The following RBFA variants were observed in gnomAD, a reference collection of about 807,000 sequenced individuals.
RBFA encodes the protein ribosome binding factor A.
In RBFA, 16 loss-of-function variants were observed where a neutral mutation model predicts 27.9. The ratio of observed to expected loss-of-function variants is 0.57; its 90% confidence interval spans 0.39 to 0.87. RBFA has a LOEUF of 0.87. Among genes scored for constraint, RBFA ranks in the 40% least tolerant of loss-of-function variants. The probability of loss-of-function intolerance (pLI) is 0.00; values close to 1 mark genes in which losing one functional copy is unlikely to be tolerated. For missense variants in RBFA, 456 were observed against 432.1 expected (o/e 1.06, Z -0.49); for synonymous variants, 181 against 181.0 (o/e 1.00, Z 0.00).
chr18:80,035,201 C>G (rs1031465346), intron 1 of RBFA: 6 of 153,304 alleles, frequency 3.9e-5, no homozygotes, highest in African/African-American at 1.4e-4. Flanking sequence ...CACCCAGCTC[C>G]CCCTGTGTTA....
chr18:80,044,297 G>T lies in RBFA; in HGVS notation c.650+12G>T, dbSNP rs369598435. On this transcript the variant is annotated intron_variant, in intron 6 of 6. Transcript: ENST00000306735. ...CAAAATGATTTCAGGTGACGCATGT[G>T]GACATATGTTTTGATTCCCTGGGGT... The T allele has an allele frequency of 2.0e-5, 33 of 1,611,698 alleles. No homozygotes were observed. Among genetic ancestry groups the T allele is most frequent in the Non-Finnish European group, 2.5e-5 (29 of 1,177,856 alleles).
chr18:80,045,226 C>T (rs928789180), intron 6 of RBFA, among the ~76,000 whole-genome samples: 10 of 119,634 alleles, frequency 8.4e-5, no homozygotes, highest in Admixed American at 2.2e-4. Context: ...AAGTTGCAAA[C>T]GCTTTTTTTT....
In RBFA at chr18:80,048,047, A is replaced by C. The variant is rs1462808796; in HGVS notation, c.*1892A>C. The stretch of plus-strand genomic sequence containing the variant: ...ATGTACAAGAGACCTCCCCATCCTG[A>C]TGTAGGAAATGAATGGTGATGATTT... On this transcript the variant is annotated 3_prime_UTR_variant, in exon 7 of 7. Transcript: ENST00000306735. The C allele has an allele frequency of 6.6e-6, 1 of 152,232 alleles. No homozygotes were observed. Among genetic ancestry groups the C allele is most frequent in the African/African-American group, 2.4e-5 (1 of 41,444 alleles). The allele number at this position is 152,232 out of a possible 1,614,324, so 9.4% of individuals were successfully genotyped here. A position where few individuals can be genotyped will look rare whatever the true frequency, so the allele number is the denominator to read the frequency against.
At position 80,050,301 on chromosome 18, in the gene RBFA, G is replaced by T. The variant is rs537807004; in HGVS notation, c.*4146G>T. ...TGACACAGGAAGGGAGGGAACTGGGGAGGACAGGTCATGATCAGTGTTTCC... is the reference window on the plus strand; with the variant it reads ...TGACACAGGAAGGGAGGGAACTGGGTAGGACAGGTCATGATCAGTGTTTCC... On this transcript the variant is annotated 3_prime_UTR_variant, in exon 7 of 7. Transcript: ENST00000306735. Among the ~76,000 whole-genome samples the T allele has an allele frequency of 6.6e-5, 10 of 152,148 alleles. No individual in the cohort carries two copies. Among genetic ancestry groups the T allele is most frequent in the African/African-American group, 2.4e-4 (10 of 41,438 alleles).
In RBFA at chr18:80,046,623, A is replaced by C. The variant is rs1427912095; in HGVS notation, c.*468A>C. Among the ~76,000 whole-genome samples the C allele has an allele frequency of 6.6e-6, 1 of 151,604 alleles. No individual in the cohort carries two copies. Among genetic ancestry groups the C allele is most frequent in the East Asian group, 1.9e-4 (1 of 5,156 alleles). On this transcript the variant is annotated 3_prime_UTR_variant, in exon 7 of 7. Coordinates refer to ENST00000306735, the MANE Select transcript of RBFA (RefSeq NM_024805.3). ...GCTGGCACGTGGCGCCGGGGGCTCC[A>C]TCCCTGGGGCTGCTGGGTCGGCACG...
At chr18:80,035,420 G>A (rs1444518507) in intron 1 of RBFA, 2 of 152,340 alleles carry the variant, frequency 1.3e-5, no homozygotes, top group Non-Finnish European at 2.9e-5. Context: ...GGTTTTGATG[G>A]CTGTGCCAGT....
intron 5 of RBFA, among the ~76,000 whole-genome samples, chr18:80,043,125 T>G (rs573725659): frequency 9.8e-5 from 15 of 152,328 alleles, no homozygotes; most frequent in African/African-American, 3.6e-4. Flanking sequence ...GCTATAAAGA[T>G]TAAAAACATG....
intron 3 of RBFA, 139 bp downstream of exon 3, chr18:80,037,645 T>G: frequency 1.6e-6 from 1 of 611,474 alleles, no homozygotes; most frequent in Non-Finnish European, 2.6e-6. Context: ...ATCCTAGCAC[T>G]TTGGGAGGCT....
chr18:80,044,826 C>T (rs1313096884), intron 6 of RBFA, among the ~76,000 whole-genome samples: 1 of 152,252 alleles, frequency 6.6e-6, no homozygotes, highest in Non-Finnish European at 1.5e-5. Context: ...TGGGGGGCCC[C>T]ATTCCAAGCC....
chr18:80,043,997 A>G (rs1471996771), intron 5 of RBFA, among the ~76,000 whole-genome samples: 3 of 152,266 alleles, frequency 2.0e-5, no homozygotes, highest in Non-Finnish European at 4.4e-5. Context: ...TCACTTCGTT[A>G]TCAGAGAAAA....
chr18:80,043,405 C>G (rs1056268828), intron 5 of RBFA, among the ~76,000 whole-genome samples: 2 of 152,130 alleles, frequency 1.3e-5, no homozygotes, highest in African/African-American at 4.8e-5. Flanking sequence ...GAAAAAGAAA[C>G]GAAGGAGTGA....
At position 80,045,943 on chromosome 18, in the gene RBFA, CAG is replaced by C; in HGVS notation, c.822_823del (p.Gln274HisfsTer28). 1 of 1,613,878 alleles carries C rather than the reference CAG, an allele frequency of 6.2e-7. No individual in the cohort carries two copies. The highest frequency in any genetic ancestry group is 1.1e-5 in the South Asian group (1 of 91,060). On this transcript the variant is annotated frameshift_variant, in exon 7 of 7. Coordinates refer to ENST00000306735, the MANE Select transcript of RBFA (RefSeq NM_024805.3). LOFTEE classifies it low-confidence loss of function (END_TRUNC). Reference sequence around the variant, plus strand: ...GGGGCAGGTGGCTGAGCTGACAACGCAGATGAAAAAGGGAAGGAAGAGGGCCA... The same window carrying C: ...GGGGCAGGTGGCTGAGCTGACAACGCATGAAAAAGGGAAGGAAGAGGGCCA... ...WQGQVAELTT[Q>X]MKKGRKRAKP...
rs911999148 is a variant in RBFA, at chr18:80,048,742, A to G, written c.*2587A>G. 6.6e-6 allele frequency among the ~76,000 whole-genome samples: 1 copy of G among 152,188 alleles called. No individual in the cohort carries two copies. Among genetic ancestry groups the G allele is most frequent in the Non-Finnish European group, 1.5e-5 (1 of 68,042 alleles). On this transcript the variant is annotated 3_prime_UTR_variant, in exon 7 of 7. Transcript: ENST00000306735. ...GGCCCAGGGAGAGGTGAAGTGCTGCAGGAGATCCAACCAGGCGCCGGCTCA... is the reference window on the plus strand; with the variant it reads ...GGCCCAGGGAGAGGTGAAGTGCTGCGGGAGATCCAACCAGGCGCCGGCTCA...
At position 80,046,503 on chromosome 18, in the gene RBFA, C is replaced by CG. The variant is rs897506272; in HGVS notation, c.*352dup. On this transcript the variant is annotated 3_prime_UTR_variant, in exon 7 of 7. Transcript: ENST00000306735. ...CGAGGGGTCAGGCCACAGCAGTGGC[C>CG]GGGGTAAGAACTGAACCTGCAAACC... The CG allele has an allele frequency of 6.9e-4, 171 of 246,144 alleles. No homozygotes were observed. The highest frequency in any genetic ancestry group is 3.8e-3 in the African/African-American group (164 of 43,726). The allele number at this position is 246,144 out of a possible 1,614,324, so 15.2% of individuals were successfully genotyped here. A position where few individuals can be genotyped will look rare whatever the true frequency, so the allele number is the denominator to read the frequency against.
intron 4 of RBFA, among the ~76,000 whole-genome samples, chr18:80,040,979 A>G (rs1451930604): frequency 6.6e-6 from 1 of 152,196 alleles, no homozygotes; most frequent in Non-Finnish European, 1.5e-5. Context: ...CTCACTGTCC[A>G]GCTCTCTCAG....
chr18:80,037,420 G>T lies in RBFA; in HGVS notation c.292G>T (p.Gly98Cys), dbSNP rs773587882. The part of the protein sequence containing the change: ...EDHARLRALN[G>C]LLYKALTDLL... The stretch of plus-strand genomic sequence containing the variant: ...CCATGCGCGCCTGAGGGCCCTGAAC[G>T]GCCTCCTCTATAAGGCACTGACAGA... The change falls in exon 3 of 7, where the codon GGC becomes TGC. Residue 98 changes from glycine (G) to cysteine (C), a missense_variant. Gly to Cys is a radical substitution (Grantham distance 159, BLOSUM62 -3). Transcript: ENST00000306735. 1.2e-6 allele frequency: 2 copies of T among 1,614,092 alleles called. No homozygotes were observed. Among genetic ancestry groups the T allele is most frequent in the South Asian group, 1.1e-5 (1 of 91,080 alleles).
intron 3 of RBFA, 104 bp from the exon 4 acceptor site, chr18:80,038,401 G>A (rs2051994837): frequency 1.3e-6 from 1 of 748,382 alleles, no homozygotes; most frequent in Non-Finnish European, 2.2e-6. Flanking sequence ...GCCCTGGCTT[G>A]GGTGGGAGGG....
rs1260376943 is a variant in RBFA, at chr18:80,034,557, G to C, written c.62G>C (p.Ser21Thr). Residue 21 changes from serine (S) to threonine (T), a missense_variant, in exon 1 of 7, where the codon AGC (serine) becomes ACC (threonine). Physicochemically the swap from Ser to Thr is moderately conservative, Grantham distance 58. Coordinates refer to ENST00000306735, the MANE Select transcript of RBFA (RefSeq NM_024805.3). ...SRAGLRALFR[S>T]RDAALFPGCE... is the part of the protein sequence containing the mutation. ...GCGGGTCTCCGGGCCCTGTTCCGTA[G>C]CCGCGATGCTGCGCTATTTCCAGGC... The C allele has an allele frequency of 6.2e-7, 1 of 1,608,824 alleles. No homozygotes were observed. The highest frequency in any genetic ancestry group is 8.5e-7 in the Non-Finnish European group (1 of 1,178,980).
chr18:80,036,653 A>C lies in RBFA; in HGVS notation c.159-15A>C, dbSNP rs1568386866. 1 of 1,608,230 alleles carries C rather than the reference A, an allele frequency of 6.2e-7. No homozygotes were observed. The highest frequency in any genetic ancestry group is 8.5e-7 in the Non-Finnish European group (1 of 1,175,498). On this transcript the variant is annotated splice_polypyrimidine_tract_variant and intron_variant, in intron 1 of 6. Coordinates refer to ENST00000306735, the MANE Select transcript of RBFA (RefSeq NM_024805.3). ...CTTTGCCATCACTAACATAATGCTT[A>C]TTTTCTCCCCAAAGAAAAAAGGTTT...
Sources: allele counts gnomAD v4.1 joint callset (sites outside exome capture counted in the v4.1 genomes callset), GRCh38; gene constraint gnomAD v4.1.1; transcripts MANE v1.5; gene names NCBI Gene and HGNC (gene_info 2026-07-23, HGNC 2026-07-21).